The following CNTNAP2 variants were observed in gnomAD, a reference collection of about 807,000 sequenced individuals.
CNTNAP2 encodes contactin associated protein 2, also known as contactin-associated protein-like 2.
Under a neutral mutation model 155.2 loss-of-function variants are expected in CNTNAP2, and 98 were observed. That is an observed-to-expected ratio of 0.63 (90% confidence interval 0.54 to 0.75). The LOEUF is 0.75. Ranked by LOEUF, CNTNAP2 falls within the 30% of genes least tolerant of loss-of-function variation. The pLI is 0.00. For missense variants in CNTNAP2, 1,727 were observed against 1,688.1 expected (o/e 1.02, Z -0.40); for synonymous variants, 651 against 631.2 (o/e 1.03, Z -0.47).
intron 13 of CNTNAP2, among the ~76,000 whole-genome samples, chr7:147,791,187 G>A (rs911725199): frequency 6.6e-6 from 1 of 151,826 alleles, no homozygotes; most frequent in Non-Finnish European, 1.5e-5. Context: ...AGATGCCTCT[G>A]ATGACATTTT....
rs567607501 is a variant in CNTNAP2 at position 147,471,263 on chromosome 7, A to C, written c.1671-14672A>C. Among the ~76,000 whole-genome samples, 13 of 152,332 alleles carry C rather than the reference A, an allele frequency of 8.5e-5. No individual in the cohort carries two copies. The South Asian group carries it at 2.5e-3, about 29-fold the overall frequency. On this transcript the variant is annotated intron_variant, in intron 10 of 23. Coordinates refer to ENST00000361727, the MANE Select transcript of CNTNAP2 (RefSeq NM_014141.6). ...ACAAAGTTTAACCTGAAACTTAAAAAATTTAGACCTTTCAGTTTACAGGAA... is the reference window on the plus strand; with the variant it reads ...ACAAAGTTTAACCTGAAACTTAAAACATTTAGACCTTTCAGTTTACAGGAA...
At chr7:146,786,820 T>G (rs984916462) in intron 2 of CNTNAP2, 2 of 152,218 alleles carry the variant, frequency 1.3e-5, no homozygotes, top group Non-Finnish European at 1.5e-5. Context: ...TCTCAGCAAC[T>G]TTTGCAATGT....
At chr7:147,308,824 C>G (rs1442724471) in intron 9 of CNTNAP2, among the ~76,000 whole-genome samples, 1 of 152,122 alleles carries the variant, frequency 6.6e-6, no homozygotes. Context: ...TTCCTCAGAT[C>G]AAGTCTTGGC....
At chr7:146,222,896 T>A (rs893149116) in intron 1 of CNTNAP2, among the ~76,000 whole-genome samples, 2 of 151,906 alleles carry the variant, frequency 1.3e-5, no homozygotes, top group Non-Finnish European at 2.9e-5. Context: ...CCTGACCTCA[T>A]GATCCGCCCG....
intron 4 of CNTNAP2, among the ~76,000 whole-genome samples, chr7:147,092,932 A>G (rs1800439002): frequency 6.6e-6 from 1 of 152,124 alleles, no homozygotes. Flanking sequence ...GTGGAAGGAA[A>G]AGGGGTATGG....
chr7:147,701,915 C>T lies in CNTNAP2; in HGVS notation c.2098+62609C>T, dbSNP rs909269165. 2.0e-5 allele frequency among the ~76,000 whole-genome samples: 3 copies of T among 152,076 alleles called. No individual in the cohort carries two copies. The East Asian group carries it at 5.8e-4, about 29-fold the overall frequency. The stretch of plus-strand genomic sequence containing the variant: ...GGAACCCTGTTAGAGACACAGTATA[C>T]CTAAGTTTTGGGTCCAGCTCTCTCT... On this transcript the variant is annotated intron_variant, in intron 13 of 23. Transcript: ENST00000361727.
chr7:146,182,407 A>G (rs946904100), intron 1 of CNTNAP2, among the ~76,000 whole-genome samples: 1 of 152,152 alleles, frequency 6.6e-6, no homozygotes, highest in Admixed American at 6.6e-5. Flanking sequence ...ACATATTTTC[A>G]TTCTTAGGAA....
intron 10 of CNTNAP2, among the ~76,000 whole-genome samples, chr7:147,482,945 C>G (rs976665881): frequency 6.6e-6 from 1 of 151,114 alleles, no homozygotes; most frequent in African/African-American, 2.4e-5. Context: ...ACTTGGGTGG[C>G]TGAGGCAGGG....
At chr7:146,961,271 G>C (rs575460320) in intron 3 of CNTNAP2, among the ~76,000 whole-genome samples, 2 of 152,238 alleles carry the variant, frequency 1.3e-5, no homozygotes, top group South Asian at 4.1e-4. Flanking sequence ...TCAGCCCAGG[G>C]AGGACTGCTT....
intron 8 of CNTNAP2, among the ~76,000 whole-genome samples, chr7:147,173,831 T>A (rs1409058108): frequency 1.3e-5 from 2 of 152,162 alleles, no homozygotes; most frequent in East Asian, 3.9e-4. Context: ...ACGTTGCTGC[T>A]AACTGCAGCG....
intron 15 of CNTNAP2, among the ~76,000 whole-genome samples, chr7:148,012,911 TG>T (rs1802106464): frequency 6.6e-6 from 1 of 152,222 alleles, no homozygotes; most frequent in Non-Finnish European, 1.5e-5. Context: ...GTGGAGCTGC[TG>T]GTTAAGGGTG....
At chr7:147,763,131 T>A (rs1184764489) in intron 13 of CNTNAP2, among the ~76,000 whole-genome samples, 1 of 151,866 alleles carries the variant, frequency 6.6e-6, no homozygotes, top group Non-Finnish European at 1.5e-5. Flanking sequence ...TGGAGGCGCA[T>A]GCCTGTAATC....
At chr7:147,801,438 G>GTC (rs759954618) in intron 13 of CNTNAP2, among the ~76,000 whole-genome samples, 18 of 151,760 alleles carry the variant, frequency 1.2e-4, no homozygotes, top group Admixed American at 3.9e-4. Flanking sequence ...GTGAACAAAG[G>GTC]TCTCTGGTTT....
intron 1 of CNTNAP2, among the ~76,000 whole-genome samples, chr7:146,161,506 TA>T (rs1425308389): frequency 2.0e-5 from 3 of 152,040 alleles, no homozygotes; most frequent in Non-Finnish European, 4.4e-5. Flanking sequence ...CTCAACGAAA[TA>T]AAAGAGGACA....
intron 10 of CNTNAP2, among the ~76,000 whole-genome samples, chr7:147,436,267 C>A: frequency 6.6e-6 from 1 of 152,140 alleles, no homozygotes; most frequent in East Asian, 1.9e-4. Context: ...AACCTTCTCT[C>A]TTGAAAAACA....
chr7:146,786,265 G>GAGAAA (rs71165040), intron 2 of CNTNAP2, among the ~76,000 whole-genome samples: 14 of 151,566 alleles, frequency 9.2e-5, no homozygotes, highest in African/African-American at 2.7e-4. Context: ...CTTATTAAGA[G>GAGAAA]GCAGACCAAA....
chr7:146,476,059 G>A (rs1261327008), intron 1 of CNTNAP2, among the ~76,000 whole-genome samples: 1 of 152,136 alleles, frequency 6.6e-6, no homozygotes, highest in Admixed American at 6.5e-5. Flanking sequence ...ACCGAAAACG[G>A]AATCAGCTCT....
intron 3 of CNTNAP2, among the ~76,000 whole-genome samples, chr7:146,941,187 C>A (rs374668300): frequency 6.6e-6 from 1 of 151,986 alleles, no homozygotes; most frequent in Non-Finnish European, 1.5e-5. Flanking sequence ...ATTCTTTCTT[C>A]TTCTCTTACT....
At chr7:147,001,830 T>C (rs1798429928) in intron 3 of CNTNAP2, among the ~76,000 whole-genome samples, 3 of 151,588 alleles carry the variant, frequency 2.0e-5, no homozygotes, top group African/African-American at 7.3e-5. Context: ...AAAAAATAAC[T>C]TGGAATAAAT....
Sources: allele counts gnomAD v4.1 joint callset (sites outside exome capture counted in the v4.1 genomes callset), GRCh38; gene constraint gnomAD v4.1.1; transcripts MANE v1.5; gene names NCBI Gene and HGNC (gene_info 2026-07-23, HGNC 2026-07-21).